The following ELAVL4 variants were observed in gnomAD, a reference collection of about 807,000 sequenced individuals.
ELAVL4 encodes ELAV-like protein 4.
A neutral mutation model predicts 35.6 loss-of-function variants in ELAVL4; 1 was observed. The observed-to-expected ratio is 0.03, with a 90% CI of 0.01 to 0.13. The LOEUF is 0.13. Ranked by LOEUF, ELAVL4 falls within the 10% of genes least tolerant of loss-of-function variation. The pLI is 1.00. For synonymous variants in ELAVL4, 156 were observed against 171.0 expected (o/e 0.91, Z 0.69); for missense variants, 267 against 464.9 (o/e 0.57, Z 3.91).
chr1:50,073,378 A>G (rs550308265), intron 1 of ELAVL4, among the ~76,000 whole-genome samples: 1 of 152,298 alleles, frequency 6.6e-6, no homozygotes, highest in East Asian at 1.9e-4. Flanking sequence ...AAAAAATCCT[A>G]ATTGTGAGGC....
chr1:50,144,990 G>C lies in ELAVL4; in HGVS notation c.43G>C (p.Gly15Arg), dbSNP rs1673437322. The change falls in exon 2 of 7, where the codon GGT (glycine) becomes CGT (arginine). Residue 15 changes from glycine to arginine, a missense_variant. Transcript: ENST00000371824. ...CACCATGGAGCCTCAGGTGTCAAAT[G>C]GTCCGACATCCAATACAAGCAATGG... ...ISTMEPQVSNGPTSNTSNGPS... is the reference protein window; with the variant it reads ...ISTMEPQVSNRPTSNTSNGPS... 6.2e-7 allele frequency: 1 copy of C among 1,613,758 alleles called. No individual in the cohort carries two copies. Among genetic ancestry groups the C allele is most frequent in the Non-Finnish European group, 8.5e-7 (1 of 1,179,900 alleles).
chr1:50,053,418 A>G (rs2148469837), intron 1 of ELAVL4, among the ~76,000 whole-genome samples: 1 of 152,256 alleles, frequency 6.6e-6, no homozygotes, highest in South Asian at 2.1e-4. Context: ...GCATGGTCAC[A>G]GTTCACTGTA....
chr1:50,159,595 C>T lies in ELAVL4; in HGVS notation c.250+14398C>T, dbSNP rs543961216. Among the ~76,000 whole-genome samples, 14 of 151,260 alleles carry T rather than the reference C, an allele frequency of 9.3e-5. No individual in the cohort carries two copies. In the East Asian group the frequency reaches 9.7e-4, roughly 11 times the overall value. ...CTGCACTCCAGCCTGGGTGATGGAGCGAGATTCCATCTCAAAATAAAAAAA... is the reference window on the plus strand; with the variant it reads ...CTGCACTCCAGCCTGGGTGATGGAGTGAGATTCCATCTCAAAATAAAAAAA... On this transcript the variant is annotated intron_variant, in intron 2 of 6. Coordinates refer to ENST00000371824, the MANE Select transcript of ELAVL4 (RefSeq NM_001144774.3).
intron 1 of ELAVL4, among the ~76,000 whole-genome samples, chr1:50,109,412 C>T (rs1572200990): frequency 6.6e-6 from 1 of 151,990 alleles, no homozygotes; most frequent in Non-Finnish European, 1.5e-5. Context: ...AAGTCGTTGT[C>T]AGTTTTCCCT....
In ELAVL4 at chr1:50,052,111, AC is replaced by A. The variant is rs547147745; in HGVS notation, c.18+3930del. Among the ~76,000 whole-genome samples the A allele has an allele frequency of 5.3e-5, 8 of 152,324 alleles. No individual in the cohort carries two copies. In the South Asian group the frequency reaches 1.7e-3, roughly 32 times the overall value. On this transcript the variant is annotated intron_variant, in intron 1 of 6. Coordinates refer to the ELAVL4 transcript ENST00000448907. ...ACATCCTGAGATACTGGGGGTTAGC[AC>A]TTCAACATATGAATTTGAAGGGACT...
intron 6 of ELAVL4, among the ~76,000 whole-genome samples, chr1:50,197,957 C>A (rs1397510481): frequency 6.6e-6 from 1 of 152,170 alleles, no homozygotes; most frequent in Non-Finnish European, 1.5e-5. Context: ...CAGCTCTGGC[C>A]AAAGGATAAA....
intron 3 of ELAVL4, among the ~76,000 whole-genome samples, chr1:50,183,054 C>T (rs2148849447): frequency 6.6e-6 from 1 of 152,110 alleles, no homozygotes; most frequent in East Asian, 1.9e-4. Flanking sequence ...GACAGGGTTT[C>T]ATCATGTTGG....
rs368299612 is a variant in ELAVL4 at position 50,183,333 on chromosome 1, A to G, written c.354+6141A>G. Among the ~76,000 whole-genome samples the G allele has an allele frequency of 2.6e-5, 4 of 152,218 alleles. No individual in the cohort carries two copies. In the East Asian group the frequency reaches 7.7e-4, roughly 29 times the overall value. ...GCACTGGATCTGGGATGAAGGGGTAAAAGAGCTGCTCCTGCCACTCTGAGC... is the reference window on the plus strand; with the variant it reads ...GCACTGGATCTGGGATGAAGGGGTAGAAGAGCTGCTCCTGCCACTCTGAGC... On this transcript the variant is annotated intron_variant, in intron 3 of 6. Coordinates refer to ENST00000371824, the MANE Select transcript of ELAVL4 (RefSeq NM_001144774.3).
chr1:50,106,760 A>C (rs1189307490), upstream of ELAVL4, among the ~76,000 whole-genome samples: 1 of 152,156 alleles, frequency 6.6e-6, no homozygotes, highest in African/African-American at 2.4e-5. Flanking sequence ...AAGACTTTAA[A>C]GTGGAGGTTT....
At chr1:50,095,735 T>G (rs1215273280) in intron 1 of ELAVL4, among the ~76,000 whole-genome samples, 1 of 152,184 alleles carries the variant, frequency 6.6e-6, no homozygotes, top group African/African-American at 2.4e-5. Flanking sequence ...TCCAGACCTA[T>G]TGGAGTTCTC....
At chr1:50,120,351 GAATA>G (rs1350429378) in intron 1 of ELAVL4, among the ~76,000 whole-genome samples, 1 of 151,970 alleles carries the variant, frequency 6.6e-6, no homozygotes. Context: ...AGAATCATAT[GAATA>G]AAGGCATAGA....
At chr1:50,122,178 T>C (rs1572267408) in intron 1 of ELAVL4, among the ~76,000 whole-genome samples, 1 of 152,208 alleles carries the variant, frequency 6.6e-6, no homozygotes, top group East Asian at 1.9e-4. Context: ...ATTTCAAAAA[T>C]TTATTCAGTT....
At chr1:50,080,074 G>A (rs1210084932) in intron 1 of ELAVL4, among the ~76,000 whole-genome samples, 2 of 152,146 alleles carry the variant, frequency 1.3e-5, no homozygotes, top group Admixed American at 1.3e-4. Flanking sequence ...AGAACAGCTG[G>A]AAGCACTTTC....
chr1:50,190,014 G>C (rs928090908), intron 3 of ELAVL4, among the ~76,000 whole-genome samples: 3 of 152,210 alleles, frequency 2.0e-5, no homozygotes, highest in African/African-American at 7.2e-5. Flanking sequence ...CTTCCATAGA[G>C]ATCATCTGTA....
At chr1:50,112,831 A>C (rs1667301630) in intron 1 of ELAVL4, among the ~76,000 whole-genome samples, 1 of 152,036 alleles carries the variant, frequency 6.6e-6, no homozygotes, top group African/African-American at 2.4e-5. Flanking sequence ...GGTTTGCACA[A>C]AACCTTAAAA....
At chr1:50,194,157 G>T (rs1683086358) in intron 4 of ELAVL4, among the ~76,000 whole-genome samples, 1 of 152,220 alleles carries the variant, frequency 6.6e-6, no homozygotes, top group Non-Finnish European at 1.5e-5. Context: ...CTACTTGCCA[G>T]GGTTGTAAAA....
At chr1:50,168,157 C>T (rs943028294) in intron 2 of ELAVL4, among the ~76,000 whole-genome samples, 1 of 152,126 alleles carries the variant, frequency 6.6e-6, no homozygotes, top group African/African-American at 2.4e-5. Flanking sequence ...AAACCAGGCC[C>T]TAGTTTTCTC....
At chr1:50,048,154 C>A (rs1011960423) in exon 1 of ELAVL4, 2 of 1,521,828 alleles carry the variant, frequency 1.3e-6, no homozygotes. Flanking sequence ...CCGGATCGCC[C>A]GGCGGGGAAG....
chr1:50,162,996 A>G (rs1044613054), intron 2 of ELAVL4, among the ~76,000 whole-genome samples: 1 of 152,208 alleles, frequency 6.6e-6, no homozygotes, highest in Non-Finnish European at 1.5e-5. Flanking sequence ...TCATATACAC[A>G]TCTGAGAATG....
Sources: allele counts gnomAD v4.1 joint callset (sites outside exome capture counted in the v4.1 genomes callset), GRCh38; gene constraint gnomAD v4.1.1; transcripts MANE v1.5; gene names NCBI Gene and HGNC (gene_info 2026-07-23, HGNC 2026-07-21).